Variants in MTBP observed in about 807,000 individuals in gnomAD.
MTBP encodes the protein MDM2 binding protein.
In MTBP, 101 loss-of-function variants were observed where a neutral mutation model predicts 117.0. That is an observed-to-expected ratio of 0.86 (90% CI 0.73 to 1.02). The LOEUF (loss-of-function observed/expected upper bound fraction) is 1.02. MTBP is among the 50% of genes least tolerant of loss of function. The pLI is 0.00. For synonymous variants in MTBP, 350 were observed against 351.5 expected (o/e 1.00, Z 0.05); for missense variants, 970 against 1,030.9 (o/e 0.94, Z 0.81).
At chr8:120,479,839 A>G (rs940169635) in intron 11 of MTBP, among the ~76,000 whole-genome samples, 2 of 152,232 alleles carry the variant, frequency 1.3e-5, no homozygotes, top group Non-Finnish European at 2.9e-5. Flanking sequence ...CAGCTAAAGC[A>G]GTACTAAGAA....
chr8:120,466,973 T>C (rs1262977630), intron 10 of MTBP, among the ~76,000 whole-genome samples: 5 of 152,256 alleles, frequency 3.3e-5, no homozygotes, highest in Non-Finnish European at 7.3e-5. Context: ...TTGTTTGTAA[T>C]ATTGGATAGA....
intron 10 of MTBP, 49 bp downstream of exon 10, chr8:120,463,810 C>T (rs904310624): frequency 1.8e-5 from 27 of 1,515,710 alleles, no homozygotes; most frequent in Admixed American, 1.0e-4. Context: ...TTTATACTTG[C>T]CATTTAAGGA....
chr8:120,465,360 C>T (rs1257808869), intron 10 of MTBP, among the ~76,000 whole-genome samples: 4 of 152,162 alleles, frequency 2.6e-5, no homozygotes, highest in African/African-American at 9.7e-5. Context: ...CACTGGCTTA[C>T]AGCTCTTAAT....
In MTBP at chr8:120,516,146, T is replaced by C. The variant is rs779619866; in HGVS notation, c.2201T>C (p.Leu734Ser). 8.7e-6 allele frequency: 14 copies of C among 1,612,426 alleles called. No individual in the cohort carries two copies. The East Asian group carries it at 2.9e-4, about 33-fold the overall frequency. The change falls in exon 18 of 22, where the codon TTG becomes TCG. Residue 734 changes from leucine to serine, a missense_variant. Leu to Ser is a moderately radical substitution (Grantham distance 145). Coordinates refer to ENST00000305949, the MANE Select transcript of MTBP (RefSeq NM_022045.5). The stretch of plus-strand genomic sequence containing the variant: ...GAACTTCGAACTGAAGTATCCCGAT[T>C]GAAACGGAGATCTAAAGATCTGAAT... The part of the protein sequence containing the change: ...QNELRTEVSR[L>S]KRRSKDLNCL...
At chr8:120,498,666 G>A (rs1814520387) in intron 14 of MTBP, among the ~76,000 whole-genome samples, 1 of 152,150 alleles carries the variant, frequency 6.6e-6, no homozygotes, top group African/African-American at 2.4e-5. Flanking sequence ...TGAATTTTGA[G>A]GAGAGAACTA....
intron 7 of MTBP, among the ~76,000 whole-genome samples, chr8:120,458,492 A>G (rs1165254751): frequency 2.0e-5 from 3 of 152,176 alleles, no homozygotes; most frequent in Non-Finnish European, 4.4e-5. Flanking sequence ...TGATCTTATC[A>G]GCAACATTTA....
intron 12 of MTBP, among the ~76,000 whole-genome samples, chr8:120,488,809 G>C (rs1437219209): frequency 6.6e-6 from 1 of 152,086 alleles, no homozygotes; most frequent in Non-Finnish European, 1.5e-5. Flanking sequence ...AATGAGCTCA[G>C]TTGGATGTTT....
rs1347079179 is a variant in MTBP, at chr8:120,497,480, A to G, written c.1535A>G (p.Asp512Gly). The G allele has an allele frequency of 6.3e-7, 1 of 1,598,212 alleles. No homozygotes were observed. The highest frequency in any genetic ancestry group is 8.6e-7 in the Non-Finnish European group (1 of 1,167,592). The change falls in exon 14 of 22, where the codon GAT (aspartate) becomes GGT (glycine). Residue 512 changes from aspartate (D) to glycine (G), a missense_variant. Asp to Gly is a moderately conservative substitution (Grantham distance 94). Transcript: ENST00000305949. ...LLVLTRKHFL[D>G]YFDAVIPKMI... ...GTACTCACAAGGAAACACTTTTTAG[A>G]TTATTTTGATGCTGTGATTCCTAAA...
At chr8:120,508,713 A>G (rs6469933) in intron 16 of MTBP, among the ~76,000 whole-genome samples, 83,505 of 151,918 alleles carry the variant, frequency 0.55, 25,365 homozygotes, top group Non-Finnish European at 0.67. Flanking sequence ...CTATTTACTT[A>G]CCCTTCTACA....
rs527603095 is a variant in MTBP, at chr8:120,512,524, G to T, written c.1979+2495G>T. 1.5e-4 allele frequency among the ~76,000 whole-genome samples: 22 copies of T among 150,428 alleles called. No individual in the cohort carries two copies. The South Asian group carries it at 4.5e-3, about 31-fold the overall frequency. On this transcript the variant is annotated intron_variant, in intron 17 of 21. Coordinates refer to ENST00000305949, the MANE Select transcript of MTBP (RefSeq NM_022045.5). ...AATTTGTCAAGGATATGTTCTTCAT[G>T]ATCATTTATCAAAATATTAAATTAA...
chr8:120,485,714 G>C, intron 11 of MTBP, among the ~76,000 whole-genome samples: 1 of 152,148 alleles, frequency 6.6e-6, no homozygotes, highest in East Asian at 1.9e-4. Flanking sequence ...TCTTGATAAA[G>C]ATGACAATTT....
intron 17 of MTBP, among the ~76,000 whole-genome samples, chr8:120,512,005 TCTC>T (rs1463144956): frequency 3.3e-5 from 5 of 152,160 alleles, no homozygotes; most frequent in East Asian, 1.9e-4. Flanking sequence ...CATTTAAACT[TCTC>T]CTTCTTATTC....
intron 11 of MTBP, chr8:120,473,771 G>C (rs1813873761): frequency 6.6e-6 from 1 of 152,002 alleles, no homozygotes; most frequent in Non-Finnish European, 1.5e-5. Context: ...ATCAGAAATA[G>C]ATTTTCTGAG....
Position 120,516,102 on chromosome 8 carries a change from C to T in MTBP, c.2157C>T (p.Asp719=), listed in dbSNP as rs1268785662. The T allele has an allele frequency of 1.2e-5, 20 of 1,612,740 alleles. No individual in the cohort carries two copies. The highest frequency in any genetic ancestry group is 1.6e-4 in the Middle Eastern group (1 of 6,080). ...CGTCAGATCCTGGAAGTGTCCCTGACGGAGAAGTTTTACAAAATGAACTTC... is the reference window on the plus strand; with the variant it reads ...CGTCAGATCCTGGAAGTGTCCCTGATGGAGAAGTTTTACAAAATGAACTTC... ...VVSSDPGSVP[D]GEVLQNELRT... is the part of the protein sequence containing the mutation. Residue 719 remains aspartate (D), a synonymous_variant, in exon 18 of 22, where the codon GAC becomes GAT. Transcript: ENST00000305949.
At chr8:120,478,455 A>C (rs964191752) in intron 11 of MTBP, among the ~76,000 whole-genome samples, 4 of 152,166 alleles carry the variant, frequency 2.6e-5, no homozygotes, top group African/African-American at 9.7e-5. Flanking sequence ...TTGTGGAAAT[A>C]ATTTATCCTC....
chr8:120,495,362 C>T (rs191740486), intron 13 of MTBP, among the ~76,000 whole-genome samples: 129 of 152,158 alleles, frequency 8.5e-4, no homozygotes, highest in African/African-American at 3.0e-3. Flanking sequence ...TTTCTGGAAA[C>T]TTTGTCTCCA....
At chr8:120,512,261 A>T (rs958751384) in intron 17 of MTBP, among the ~76,000 whole-genome samples, 1 of 152,132 alleles carries the variant, frequency 6.6e-6, no homozygotes, top group Non-Finnish European at 1.5e-5. Flanking sequence ...CCCAGGACAC[A>T]TCTGTTTTTC....
chr8:120,461,426 GA>G (rs1813581345), intron 9 of MTBP, among the ~76,000 whole-genome samples, 171 bp downstream of exon 9: 2 of 152,214 alleles, frequency 1.3e-5, no homozygotes, highest in Admixed American at 1.3e-4. Flanking sequence ...AGTTGCTGGG[GA>G]AGGAAGTTCT....
chr8:120,517,967 C>G lies in MTBP; in HGVS notation c.2363C>G (p.Thr788Ser). The G allele has an allele frequency of 1.2e-6, 2 of 1,612,790 alleles. No individual in the cohort carries two copies. The highest frequency in any genetic ancestry group is 1.7e-6 in the Non-Finnish European group (2 of 1,179,104). The change falls in exon 19 of 22, where the codon ACT becomes AGT. Residue 788 changes from threonine to serine, a missense_variant. By Grantham distance (58) the Thr-to-Ser change is moderately conservative. Coordinates refer to ENST00000305949, the MANE Select transcript of MTBP (RefSeq NM_022045.5). ...CAAACAGAACGGTCCTTACCAGTGA[C>G]TTGTCCATTGGTTCCAATTCCTAGC... ...KPQTERSLPV[T>S]CPLVPIPSCE...
Sources: allele counts gnomAD v4.1 joint callset (sites outside exome capture counted in the v4.1 genomes callset), GRCh38; gene constraint gnomAD v4.1.1; transcripts MANE v1.5; gene names NCBI Gene and HGNC (gene_info 2026-07-23, HGNC 2026-07-21).